The following CADM2 variants were observed in gnomAD, a reference collection of about 807,000 sequenced individuals.
CADM2 encodes the protein cell adhesion molecule 2.
Under a neutral mutation model 49.8 loss-of-function variants are expected in CADM2, and 12 were observed. The observed-to-expected ratio is 0.24, with a 90% CI of 0.15 to 0.39. CADM2 has a LOEUF of 0.39. CADM2 is among the 10% of genes least tolerant of loss of function. The pLI is 1.00. For missense variants in CADM2, 378 were observed against 492.3 expected (o/e 0.77, Z 2.20); for synonymous variants, 214 against 175.4 (o/e 1.22, Z -1.74).
intron 1 of CADM2, among the ~76,000 whole-genome samples, chr3:85,489,713 AATT>A (rs2039583879): frequency 6.6e-6 from 1 of 151,214 alleles, no homozygotes; most frequent in Non-Finnish European, 1.5e-5. Flanking sequence ...AAGAACTTTG[AATT>A]AAAGTGTCCT....
chr3:85,703,603 AT>A (rs2066850223), intron 1 of CADM2, among the ~76,000 whole-genome samples: 1 of 152,150 alleles, frequency 6.6e-6, no homozygotes, highest in East Asian at 1.9e-4. Flanking sequence ...ATACTATGAA[AT>A]TCTCAAATCT....
At chr3:85,660,028 A>G (rs1253994122) in intron 1 of CADM2, among the ~76,000 whole-genome samples, 25 of 152,140 alleles carry the variant, frequency 1.6e-4, no homozygotes, top group Admixed American at 1.6e-3. Context: ...ACAAATTTAA[A>G]TTGTCAACTA....
At chr3:86,016,390 A>C (rs1487684688) in intron 8 of CADM2, among the ~76,000 whole-genome samples, 1 of 152,208 alleles carries the variant, frequency 6.6e-6, no homozygotes, top group Non-Finnish European at 1.5e-5. Flanking sequence ...TCTAGATAAG[A>C]GAATAAGAGA....
chr3:85,774,994 G>A (rs1463211153), intron 2 of CADM2, among the ~76,000 whole-genome samples: 1 of 151,596 alleles, frequency 6.6e-6, no homozygotes, highest in Non-Finnish European at 1.5e-5. Flanking sequence ...AGATATATAT[G>A]TGTACTTACA....
chr3:84,991,370 A>G (rs1430985854), intron 1 of CADM2, among the ~76,000 whole-genome samples: 1 of 152,056 alleles, frequency 6.6e-6, no homozygotes, highest in Non-Finnish European at 1.5e-5. Context: ...CTGGGGGCAA[A>G]ATTGTGAAAC....
At chr3:85,655,160 A>AT (rs11401179) in intron 1 of CADM2, among the ~76,000 whole-genome samples, 76,573 of 147,042 alleles carry the variant, frequency 0.52, 20,142 homozygotes, top group East Asian at 0.62. Context: ...CACCTTGGTA[A>AT]TTTTTTTTTT....
At chr3:85,541,007 CCA>C (rs1162690894) in intron 1 of CADM2, among the ~76,000 whole-genome samples, 1 of 151,906 alleles carries the variant, frequency 6.6e-6, no homozygotes, top group Non-Finnish European at 1.5e-5. Context: ...TCCTCTGTCT[CCA>C]AGTACAGTCA....
chr3:86,063,686 T>G (rs989073541), intron 8 of CADM2, among the ~76,000 whole-genome samples: 7 of 152,236 alleles, frequency 4.6e-5, no homozygotes, highest in African/African-American at 1.7e-4. Flanking sequence ...TATGATCCTT[T>G]GACACAGCAG....
chr3:85,785,895 T>A (rs192479826), intron 2 of CADM2, among the ~76,000 whole-genome samples: 3 of 152,242 alleles, frequency 2.0e-5, no homozygotes, highest in Admixed American at 2.0e-4. Context: ...GCACTTAGCC[T>A]AGTACATAGC....
At position 85,515,631 on chromosome 3, in the gene CADM2, A is replaced by ATT. The variant is rs1553734357; in HGVS notation, c.62-210880_62-210879dup. On this transcript the variant is annotated intron_variant, in intron 1 of 9. Coordinates refer to ENST00000383699, the MANE Select transcript of CADM2 (RefSeq NM_001167675.2). ...CACTAATATATATATATATATATAT[A>ATT]TTTTTTTTTTTTGTATCTTTAGTAG... is the stretch of plus-strand genomic sequence containing the variant. Among the ~76,000 whole-genome samples the ATT allele has an allele frequency of 1.9e-3, 230 of 118,358 alleles. 1 individual carries two copies. The highest frequency in any genetic ancestry group is 0.019 in the Middle Eastern group (4 of 214). 77.6% of individuals were successfully genotyped at this position (118,358 alleles called of 152,430 possible).
At chr3:85,912,241 T>C (rs954843651) in intron 5 of CADM2, 132 bp from the exon 6 acceptor site, 2 of 630,596 alleles carry the variant, frequency 3.2e-6, no homozygotes, top group African/African-American at 3.7e-5. Flanking sequence ...ATAGATTAAA[T>C]GTTAAAATCA....
intron 1 of CADM2, among the ~76,000 whole-genome samples, chr3:85,592,560 G>T (rs1181791055): frequency 6.6e-6 from 1 of 151,606 alleles, no homozygotes; most frequent in Admixed American, 6.6e-5. Context: ...CATGGTTTTG[G>T]GTCAACAATA....
intron 3 of CADM2, among the ~76,000 whole-genome samples, chr3:85,843,359 C>T (rs2074724996): frequency 6.6e-6 from 1 of 151,490 alleles, no homozygotes; most frequent in Admixed American, 6.6e-5. Context: ...TACGGTCTTT[C>T]TCTCTCTCTC....
intron 2 of CADM2, among the ~76,000 whole-genome samples, chr3:85,743,772 C>T (rs1577209830): frequency 6.6e-6 from 1 of 152,018 alleles, no homozygotes; most frequent in East Asian, 1.9e-4. Context: ...TTAAAATCAC[C>T]TCAAAAGAGA....
intron 1 of CADM2, among the ~76,000 whole-genome samples, chr3:85,325,657 T>C (rs2107125979): frequency 7.2e-6 from 1 of 138,150 alleles, no homozygotes; most frequent in Non-Finnish European, 1.5e-5. Context: ...GCCATTGCAC[T>C]CCAACCTGGG....
chr3:86,054,904 A>G (rs1329232713), intron 8 of CADM2, among the ~76,000 whole-genome samples: 1 of 152,022 alleles, frequency 6.6e-6, no homozygotes, highest in Non-Finnish European at 1.5e-5. Context: ...TTTTTTCTTA[A>G]TGGTTGTTCC....
At chr3:85,558,748 GAAGT>G (rs2062020536) in intron 1 of CADM2, among the ~76,000 whole-genome samples, 1 of 151,998 alleles carries the variant, frequency 6.6e-6, no homozygotes, top group Non-Finnish European at 1.5e-5. Context: ...TAGTATGTAT[GAAGT>G]CCCATGCAGG....
At chr3:85,197,498 C>A (rs1230951963) in intron 1 of CADM2, among the ~76,000 whole-genome samples, 1 of 151,820 alleles carries the variant, frequency 6.6e-6, no homozygotes, top group East Asian at 1.9e-4. Context: ...TGGATTGGCT[C>A]CATTTTACAG....
intron 1 of CADM2, among the ~76,000 whole-genome samples, chr3:85,686,730 A>G (rs890649781): frequency 4.6e-5 from 7 of 152,132 alleles, no homozygotes; most frequent in Non-Finnish European, 1.0e-4. Flanking sequence ...CCTGCCCCCC[A>G]TTCTATTCAG....
Sources: gnomAD v4.1 joint callset for allele counts (sites outside exome capture counted in the v4.1 genomes callset) on GRCh38, gnomAD v4.1.1 for gene constraint, MANE v1.5 for transcripts, NCBI Gene and HGNC (gene_info 2026-07-23, HGNC 2026-07-21) for gene names.